VPS37C: variants seen among roughly 807,000 people sequenced by gnomAD.
VPS37C encodes VPS37C subunit of ESCRT-I.
VPS37C carries 9 observed loss-of-function variants against 16.1 expected under a neutral mutation model. That is an observed-to-expected ratio of 0.56 (90% CI 0.34 to 0.97). The LOEUF (loss-of-function observed/expected upper bound fraction) is 0.97, where lower values mean the gene tolerates loss of function less well. Among genes scored for constraint, VPS37C ranks in the 50% least tolerant of loss-of-function variants. The pLI is 0.02. For synonymous variants in VPS37C, 207 were observed against 206.4 expected, an observed-to-expected ratio of 1.00 and a Z score of -0.02; for missense variants, 479 against 472.7, an observed-to-expected ratio of 1.01 and a Z score of -0.12.
chr11:61,143,362 A>ATTTTT (rs779076399), intron 1 of VPS37C: 6 of 52,246 alleles, frequency 1.1e-4, no homozygotes, highest in African/African-American at 1.8e-4. Flanking sequence ...AGGATTCTTA[A>ATTTTT]TTTTTTTTTT....
At chr11:61,141,235 G>A (rs1358182446) in intron 1 of VPS37C, among the ~76,000 whole-genome samples, 1 of 151,958 alleles carries the variant, frequency 6.6e-6, no homozygotes, top group Non-Finnish European at 1.5e-5. Context: ...CGGCGTGGTG[G>A]CACACACTTG....
In VPS37C at chr11:61,161,377, C is replaced by G. The variant is rs992126389; in HGVS notation, c.-7+14G>C. The G allele has an allele frequency of 6.5e-6, 1 of 153,150 alleles. No individual in the cohort carries two copies. Among genetic ancestry groups the G allele is most frequent in the African/African-American group, 2.4e-5 (1 of 41,434 alleles). The allele number at this position is 153,150 out of a possible 1,614,324, so 9.5% of individuals were successfully genotyped here. ...CCTGCGGCAGAGCCGGGACCCTCCC[C>G]AGTCTCCGCTCACCTGCCAGGGCCG... is the stretch of plus-strand genomic sequence containing the variant. On this transcript the variant is annotated intron_variant, in intron 1 of 4. Transcript: ENST00000301765.
In VPS37C at chr11:61,132,122, C is replaced by T. The variant is rs533593910; in HGVS notation, c.766G>A (p.Ala256Thr). The T allele has an allele frequency of 4.5e-5, 64 of 1,436,202 alleles. No homozygotes were observed. The South Asian group carries it at 8.6e-4, about 19-fold the overall frequency. The allele number at this position is 1,436,202 out of a possible 1,614,324, so 89.0% of individuals were successfully genotyped here. A position where few individuals can be genotyped will look rare whatever the true frequency, so the allele number is the denominator to read the frequency against. Residue 256 changes from alanine to threonine, a missense_variant, in exon 5 of 5, where the codon GCG becomes ACG. Physicochemically the swap from Ala to Thr is moderately conservative, Grantham distance 58. Transcript: ENST00000301765. Reference protein sequence around the residue: ...PAAQLGPRGAAGYSWSPQRSM... With the variant: ...PAAQLGPRGATGYSWSPQRSM... ...CTCTGTGGGGACCAGGAGTAACCCG[C>T]AGCACCCCTGGGTCCAAGCTGGGCT...
chr11:61,158,284 A>C (rs1157418382), intron 1 of VPS37C, among the ~76,000 whole-genome samples: 4 of 152,252 alleles, frequency 2.6e-5, no homozygotes, highest in Admixed American at 2.0e-4. Context: ...TTACAATCAG[A>C]AGTGTCAATG....
intron 1 of VPS37C, among the ~76,000 whole-genome samples, chr11:61,139,386 T>C (rs956942383): frequency 6.6e-6 from 1 of 151,686 alleles, no homozygotes; most frequent in African/African-American, 2.4e-5. Flanking sequence ...TCCCCTTAAC[T>C]GCAGCCCTCT....
rs538846382 is a variant in VPS37C, at chr11:61,150,236, A to G, written c.-7+11155T>C. ...CCCCACCCCTGATGTCCAATCACCA[A>G]GTTTTAGCTAGTCAGTGTTCCAAAG... is the stretch of plus-strand genomic sequence containing the variant. On this transcript the variant is annotated intron_variant, in intron 1 of 4. Coordinates refer to ENST00000301765, the MANE Select transcript of VPS37C (RefSeq NM_017966.5). Among the ~76,000 whole-genome samples, 6 of 152,230 alleles carry G rather than the reference A, an allele frequency of 3.9e-5. No individual in the cohort carries two copies. The South Asian group carries it at 1.2e-3, about 32-fold the overall frequency.
At chr11:61,152,941 T>G (rs1249411601) in intron 1 of VPS37C, among the ~76,000 whole-genome samples, 2 of 152,248 alleles carry the variant, frequency 1.3e-5, no homozygotes, top group Non-Finnish European at 2.9e-5. Flanking sequence ...CCCAAAGAGT[T>G]CATCCTGCCT....
rs1861277807 is a variant in VPS37C at position 61,132,185 on chromosome 11, A to G, written c.703T>C (p.Ser235Pro). Residue 235 changes from serine (S) to proline (P), a missense_variant, in exon 5 of 5, where the codon TCC becomes CCC. Transcript: ENST00000301765. Reference protein sequence around the residue: ...PAPFPVVSQPSFYSGPLGPTY... With the variant: ...PAPFPVVSQPPFYSGPLGPTY... ...GGGCCCAGAGGCCCGCTGTAGAAGG[A>G]GGGCTGGGACACTACTGGGAAAGGG... is the stretch of plus-strand genomic sequence containing the variant. 3 of 1,483,702 alleles carry G rather than the reference A, an allele frequency of 2.0e-6. No homozygotes were observed. The highest frequency in any genetic ancestry group is 4.9e-5 in the East Asian group (2 of 41,232). The allele number at this position is 1,483,702 out of a possible 1,614,324, so 91.9% of individuals were successfully genotyped here.
chr11:61,133,918 C>A lies in VPS37C; in HGVS notation c.265+118G>T, dbSNP rs563437782. ...TAAAATGGAGTAACAACAGTACCCA[C>A]CCTTCTATGGCTGTTGTGAAAAAAT... On this transcript the variant is annotated intron_variant, in intron 3 of 4. Coordinates refer to ENST00000301765, the MANE Select transcript of VPS37C (RefSeq NM_017966.5). 30 of 1,250,492 alleles carry A rather than the reference C, an allele frequency of 2.4e-5. No individual in the cohort carries two copies. The Admixed American group carries it at 2.5e-4, about 10-fold the overall frequency. 77.5% of individuals were successfully genotyped at this position (1,250,492 alleles called of 1,614,324 possible). A position where few individuals can be genotyped will look rare whatever the true frequency, so the allele number is the denominator to read the frequency against.
chr11:61,142,317 A>C (rs1861485778), intron 1 of VPS37C, among the ~76,000 whole-genome samples: 2 of 152,156 alleles, frequency 1.3e-5, no homozygotes, highest in Non-Finnish European at 2.9e-5. Flanking sequence ...CTTCAGCCTT[A>C]ATCTCCCAGA....
chr11:61,144,310 C>G (rs1346606435), intron 1 of VPS37C: 1 of 152,228 alleles, frequency 6.6e-6, no homozygotes, highest in Non-Finnish European at 1.5e-5. Context: ...AACTAGGCTA[C>G]CTGGGTCTGA....
Position 61,131,772 on chromosome 11 carries a change from G to T in VPS37C, c.*48C>A. On this transcript the variant is annotated 3_prime_UTR_variant, in exon 5 of 5. Transcript: ENST00000301765. ...GAATCTCGGCGATGGCTGGGCCAAA[G>T]GTTGAGCGTGGGTGGGACTAGGGAG... The T allele has an allele frequency of 8.1e-7, 1 of 1,241,572 alleles. No homozygotes were observed. The allele number at this position is 1,241,572 out of a possible 1,614,324, so 76.9% of individuals were successfully genotyped here.
Position 61,131,904 on chromosome 11 carries a change from C to T in VPS37C, c.984G>A (p.Val328=), listed in dbSNP as rs1861267767. The change falls in exon 5 of 5, where the codon GTG becomes GTA. Residue 328 remains valine, a synonymous_variant. Coordinates refer to ENST00000301765, the MANE Select transcript of VPS37C (RefSeq NM_017966.5). Reference sequence around the variant, plus strand: ...CGGGGGGATAAGGGGGCTGCAGGGGCACTGAGGGCTGGGGCTGGCCTGGAA... The same window carrying T: ...CGGGGGGATAAGGGGGCTGCAGGGGTACTGAGGGCTGGGGCTGGCCTGGAA... The part of the protein sequence containing the change: ...PSFPGQPQPS[V]PLQPPYPPGP... 4 of 1,285,902 alleles carry T rather than the reference C, an allele frequency of 3.1e-6. No individual in the cohort carries two copies. The Admixed American group carries it at 1.2e-4, about 38-fold the overall frequency. 79.7% of individuals were successfully genotyped at this position (1,285,902 alleles called of 1,614,324 possible).
Position 61,138,734 on chromosome 11 carries a change from T to TAC in VPS37C, c.93+1_93+2dup. The TAC allele has an allele frequency of 6.2e-7, 1 of 1,614,040 alleles. No homozygotes were observed. Among genetic ancestry groups the TAC allele is most frequent in the South Asian group, 1.1e-5 (1 of 91,086 alleles). ...GTTGGGTCCCATACCAGCCTCCCTC[T>TAC]ACCTCAGGGGACTCCAGGGCCAGCT... On this transcript the variant is annotated splice_region_variant and intron_variant, in intron 2 of 4. Transcript: ENST00000301765.
intron 1 of VPS37C, among the ~76,000 whole-genome samples, chr11:61,154,454 C>T (rs1420272232): frequency 6.6e-6 from 1 of 151,942 alleles, no homozygotes; most frequent in Admixed American, 6.6e-5. Context: ...AAGGTAATAT[C>T]AGCAGATTAG....
chr11:61,132,707 A>G, intron 4 of VPS37C, 168 bp from the exon 5 acceptor site: 1 of 868,570 alleles, frequency 1.2e-6, no homozygotes, highest in Non-Finnish European at 1.7e-6. Flanking sequence ...TGGTACATGC[A>G]CTGTCTCCCT....
rs1010600147 is a variant in VPS37C, at chr11:61,155,907, T to C, written c.-7+5484A>G. On this transcript the variant is annotated intron_variant, in intron 1 of 4. Transcript: ENST00000301765. ...AAATAACAATGTGTTGTGGGATTTA[T>C]GGCACGTGTAGAAGTAAAACAGGTG... is the stretch of plus-strand genomic sequence containing the variant. Among the ~76,000 whole-genome samples, 4 of 152,366 alleles carry C rather than the reference T, an allele frequency of 2.6e-5. No homozygotes were observed. The South Asian group carries it at 8.3e-4, about 32-fold the overall frequency.
chr11:61,154,930 C>A (rs766973910), intron 1 of VPS37C, among the ~76,000 whole-genome samples: 1 of 151,818 alleles, frequency 6.6e-6, no homozygotes, highest in Non-Finnish European at 1.5e-5. Context: ...CATAGTGAGA[C>A]CCTGTCTCTA....
chr11:61,145,016 GCAAA>G (rs1053023549), intron 1 of VPS37C: 38 of 152,314 alleles, frequency 2.5e-4, no homozygotes, highest in African/African-American at 8.4e-4. Context: ...TGTAAAATGG[GCAAA>G]CAAACCCTTA....
Sources: gnomAD v4.1 joint callset for allele counts (sites outside exome capture counted in the v4.1 genomes callset) on GRCh38, gnomAD v4.1.1 for gene constraint, MANE v1.5 for transcripts, NCBI Gene and HGNC (gene_info 2026-07-23, HGNC 2026-07-21) for gene names.